Variants in MIPEP observed in about 807,000 individuals in gnomAD.
The protein encoded by MIPEP is mitochondrial intermediate peptidase.
In MIPEP, 79 loss-of-function variants were observed where a neutral mutation model predicts 90.3. The ratio of observed to expected loss-of-function variants is 0.87; its 90% confidence interval spans 0.73 to 1.05. The LOEUF is 1.05. Ranked by LOEUF, MIPEP falls within the 50% of genes least tolerant of loss-of-function variation. MIPEP has a pLI of 0.00. For synonymous variants in MIPEP, 334 were observed against 315.8 expected (o/e 1.06, Z -0.61); for missense variants, 940 against 905.6 (o/e 1.04, Z -0.49).
intron 16 of MIPEP, among the ~76,000 whole-genome samples, chr13:23,782,969 C>T (rs1952796378): frequency 6.6e-6 from 1 of 152,068 alleles, no homozygotes; most frequent in Non-Finnish European, 1.5e-5. Context: ...AATTAATAGC[C>T]TACCAACCAA....
intron 10 of MIPEP, among the ~76,000 whole-genome samples, chr13:23,849,964 T>A (rs890897602): frequency 6.6e-6 from 1 of 152,226 alleles, no homozygotes; most frequent in African/African-American, 2.4e-5. Flanking sequence ...AGTCAGAGAA[T>A]CCAGGTTGAA....
intron 16 of MIPEP, among the ~76,000 whole-genome samples, chr13:23,801,041 T>C (rs1390086847): frequency 1.3e-5 from 2 of 152,228 alleles, no homozygotes; most frequent in Non-Finnish European, 2.9e-5. Context: ...TAAATTTGTA[T>C]CAACTCCATA....
intron 16 of MIPEP, among the ~76,000 whole-genome samples, chr13:23,767,058 G>T (rs1952598286): frequency 6.6e-6 from 1 of 152,172 alleles, no homozygotes; most frequent in Admixed American, 6.5e-5. Flanking sequence ...TAGGACCTGT[G>T]GGTAGCCTAG....
intron 5 of MIPEP, among the ~76,000 whole-genome samples, chr13:23,873,659 G>A (rs899548721): frequency 6.6e-6 from 1 of 152,182 alleles, no homozygotes; most frequent in Non-Finnish European, 1.5e-5. Flanking sequence ...ATTTGCTTTT[G>A]GGATGCAGAC....
chr13:23,771,530 T>TAC (rs3077653), intron 16 of MIPEP, among the ~76,000 whole-genome samples: 53,699 of 145,772 alleles, frequency 0.37, 9,923 homozygotes, highest in Middle Eastern at 0.43. Context: ...ATTTGCTGAC[T>TAC]ACACACACAC....
chr13:23,830,763 T>C (rs768492889), intron 14 of MIPEP, among the ~76,000 whole-genome samples: 2 of 152,206 alleles, frequency 1.3e-5, no homozygotes, highest in Non-Finnish European at 2.9e-5. Flanking sequence ...TCTAAAAATG[T>C]CTTTTCTTAA....
chr13:23,826,649 C>A (rs1259890986), intron 14 of MIPEP, among the ~76,000 whole-genome samples: 3 of 152,046 alleles, frequency 2.0e-5, no homozygotes, highest in African/African-American at 4.8e-5. Flanking sequence ...TTCATCACAT[C>A]ATTTAATATT....
chr13:23,736,896 A>T (rs1240157399), intron 18 of MIPEP, among the ~76,000 whole-genome samples: 1 of 152,214 alleles, frequency 6.6e-6, no homozygotes, highest in Non-Finnish European at 1.5e-5. Flanking sequence ...AGAGAGTCAC[A>T]CAACTCATAG....
chr13:23,834,216 G>A (rs1304253376), intron 14 of MIPEP, among the ~76,000 whole-genome samples: 1 of 152,166 alleles, frequency 6.6e-6, no homozygotes, highest in Non-Finnish European at 1.5e-5. Context: ...CCTGCGATCC[G>A]CTTCCTCCCT....
intron 18 of MIPEP, among the ~76,000 whole-genome samples, chr13:23,733,714 T>C (rs1044538511): frequency 1.3e-5 from 2 of 152,210 alleles, no homozygotes; most frequent in African/African-American, 2.4e-5. Context: ...CCAGGGGTAG[T>C]TGAGAACAAT....
intron 10 of MIPEP, among the ~76,000 whole-genome samples, chr13:23,858,106 T>C (rs2093643635): frequency 6.6e-6 from 1 of 151,944 alleles, no homozygotes; most frequent in Admixed American, 6.6e-5. Context: ...TGTTAAAGAG[T>C]AGGATTCTGA....
intron 16 of MIPEP, among the ~76,000 whole-genome samples, chr13:23,778,664 C>A (rs148276716): frequency 6.6e-6 from 1 of 151,812 alleles, no homozygotes; most frequent in Non-Finnish European, 1.5e-5. Context: ...GTCAATTACC[C>A]GTTTTTTTCA....
chr13:23,837,961 A>G (rs1316423423), intron 12 of MIPEP, among the ~76,000 whole-genome samples: 1 of 152,200 alleles, frequency 6.6e-6, no homozygotes, highest in Non-Finnish European at 1.5e-5. Flanking sequence ...AAACATCAAG[A>G]ACACATTCAG....
In MIPEP at chr13:23,825,716, C is replaced by A. The variant is rs531679766; in HGVS notation, c.1653+10524G>T. Among the ~76,000 whole-genome samples, 757 of 152,302 alleles carry A rather than the reference C, an allele frequency of 5.0e-3. 4 individuals are homozygous for A. The highest frequency in any genetic ancestry group is 0.017 in the African/African-American group (726 of 41,576). Reference sequence around the variant, plus strand: ...AAACTAATAGATCTATTGCCCCCCTCATTATTATTGTGTGATCTTTGGAAA... The same window carrying A: ...AAACTAATAGATCTATTGCCCCCCTAATTATTATTGTGTGATCTTTGGAAA... On this transcript the variant is annotated intron_variant, in intron 14 of 18. Coordinates refer to ENST00000382172, the MANE Select transcript of MIPEP (RefSeq NM_005932.4).
chr13:23,765,041 C>T (rs909379860), intron 16 of MIPEP, among the ~76,000 whole-genome samples: 5 of 152,232 alleles, frequency 3.3e-5, no homozygotes, highest in African/African-American at 1.2e-4. Context: ...TACATATTGG[C>T]AGGTTCTGCA....
chr13:23,884,359 G>A (rs1239748010), intron 2 of MIPEP, among the ~76,000 whole-genome samples: 1 of 152,174 alleles, frequency 6.6e-6, no homozygotes, highest in African/African-American at 2.4e-5. Context: ...CAATTTTACA[G>A]AATAATAATT....
chr13:23,847,472 A>AAAAG (rs1426479182), intron 10 of MIPEP, among the ~76,000 whole-genome samples: 1 of 151,744 alleles, frequency 6.6e-6, no homozygotes, highest in African/African-American at 2.4e-5. Flanking sequence ...GCTAAAAAAA[A>AAAAG]AAAAAAAACC....
intron 17 of MIPEP, among the ~76,000 whole-genome samples, chr13:23,757,746 C>T (rs528178545): frequency 2.0e-5 from 3 of 152,096 alleles, no homozygotes; most frequent in Admixed American, 1.3e-4. Flanking sequence ...GCCTACCTGA[C>T]GGAGTTCCAC....
rs1566015715 is a variant in MIPEP at position 23,846,837 on chromosome 13, T to C, written c.1107-5349A>G. On this transcript the variant is annotated intron_variant, in intron 10 of 18. Coordinates refer to ENST00000382172, the MANE Select transcript of MIPEP (RefSeq NM_005932.4). ...AACTATCACTACCAAATGATGATGATGATGATGATGATGATGGTAACTAAC... is the reference window on the plus strand; with the variant it reads ...AACTATCACTACCAAATGATGATGACGATGATGATGATGATGGTAACTAAC... Among the ~76,000 whole-genome samples, 16 of 152,262 alleles carry C rather than the reference T, an allele frequency of 1.1e-4. 1 individual carries two copies. Among genetic ancestry groups the C allele is most frequent in the South Asian group, 4.1e-4 (2 of 4,826 alleles).
Sources: allele counts gnomAD v4.1 joint callset (sites outside exome capture counted in the v4.1 genomes callset), GRCh38; gene constraint gnomAD v4.1.1; transcripts MANE v1.5; gene names NCBI Gene and HGNC (gene_info 2026-07-23, HGNC 2026-07-21).